TK1: variants seen among roughly 807,000 people sequenced by gnomAD.
The protein encoded by TK1 is thymidine kinase 1.
TK1 carries 13 observed loss-of-function variants against 22.4 expected under a neutral mutation model. The observed-to-expected ratio is 0.58, with a 90% CI of 0.38 to 0.92. The LOEUF (loss-of-function observed/expected upper bound fraction) is 0.92, where lower values mean the gene tolerates loss of function less well. TK1 is among the 40% of genes least tolerant of loss of function. The pLI is 0.00. For synonymous variants in TK1, 134 were observed against 125.4 expected (o/e 1.07, Z -0.46); for missense variants, 251 against 315.7 (o/e 0.80, Z 1.55).
At chr17:78,179,296 A>T in intron 4 of TK1, 1 of 985,436 alleles carries the variant, frequency 1.0e-6, no homozygotes, top group Non-Finnish European at 1.2e-6. Flanking sequence ...AGCAAAAGAG[A>T]ACAGCTGCAG....
chr17:78,179,402 C>T, intron 4 of TK1: 10 of 985,396 alleles, frequency 1.0e-5, no homozygotes, highest in Non-Finnish European at 1.2e-5. Flanking sequence ...CATGGGGGTG[C>T]TCAGGGGCGC....
At chr17:78,175,999 G>A (rs929163155) in intron 4 of TK1, among the ~76,000 whole-genome samples, 13 of 152,218 alleles carry the variant, frequency 8.5e-5, no homozygotes, top group African/African-American at 2.2e-4. Context: ...ATGAATTAAC[G>A]TCTCTGAACC....
intron 2 of TK1, 116 bp downstream of exon 2, chr17:78,186,667 GGGAA>G: frequency 1.0e-6 from 1 of 980,942 alleles, no homozygotes; most frequent in Non-Finnish European, 1.5e-6. Flanking sequence ...TCTAGGGGAA[GGGAA>G]GGGGAGGGAA....
In TK1 at chr17:78,185,101, A is replaced by G; in HGVS notation, c.163T>C (p.Tyr55His). The change falls in exon 3 of 7, where the codon TAT (tyrosine) becomes CAT (histidine). Residue 55 changes from tyrosine to histidine, a missense_variant. Transcript: ENST00000301634. ...IAQYKCLVIK[Y>H]AKDTRYSSSF... Reference sequence around the variant, plus strand: ...CTGCTGTAGCGAGTGTCTTTGGCATACTTGATCACCAGGCACTTGTACTGA... The same window carrying G: ...CTGCTGTAGCGAGTGTCTTTGGCATGCTTGATCACCAGGCACTTGTACTGA... 6.2e-7 allele frequency: 1 copy of G among 1,611,940 alleles called. No individual in the cohort carries two copies. The highest frequency in any genetic ancestry group is 8.5e-7 in the Non-Finnish European group (1 of 1,179,516).
At position 78,182,581 on chromosome 17, in the gene TK1, C is replaced by T; in HGVS notation, c.303+8G>A. On this transcript the variant is annotated splice_region_variant and intron_variant, in intron 4 of 6. Transcript: ENST00000301634. ...CAGGAAGAGTGATGCCAAGACAAGC[C>T]AACTTACAAACTGCCCCTCGTCGAT... The T allele has an allele frequency of 6.4e-7, 1 of 1,568,288 alleles. No individual in the cohort carries two copies. The highest frequency in any genetic ancestry group is 2.3e-5 in the East Asian group (1 of 42,992).
intron 3 of TK1, among the ~76,000 whole-genome samples, chr17:78,184,226 G>A (rs554398681): frequency 6.6e-6 from 1 of 152,360 alleles, no homozygotes; most frequent in African/African-American, 2.4e-5. Context: ...ACCAGCATCT[G>A]GCTTCAGGAG....
intron 3 of TK1, among the ~76,000 whole-genome samples, chr17:78,183,162 C>T (rs1188705026): frequency 6.6e-6 from 1 of 152,162 alleles, no homozygotes; most frequent in African/African-American, 2.4e-5. Flanking sequence ...CAAGCCACTT[C>T]ACTTGATGCT....
At chr17:78,175,408 C>T (rs540886429) in intron 5 of TK1, 121 bp downstream of exon 5, 7 of 1,125,648 alleles carry the variant, frequency 6.2e-6, no homozygotes, top group Non-Finnish European at 7.5e-6. Flanking sequence ...AAGGCCTGAG[C>T]AGCTCGGCCG....
rs2075721604 is a variant in TK1, at chr17:78,179,157, G to A, written c.303+3432C>T. 7 of 985,226 alleles carry A rather than the reference G, an allele frequency of 7.1e-6. No individual in the cohort carries two copies. In the South Asian group the frequency reaches 2.3e-4, roughly 33 times the overall value. 61.0% of individuals were successfully genotyped at this position (985,226 alleles called of 1,614,324 possible). A position where few individuals can be genotyped will look rare whatever the true frequency, so the allele number is the denominator to read the frequency against. ...GCAGAGCCAGGAGAACAGAGCTATTGAACAACTCACAGCGGCAGGTCTGAA... is the reference window on the plus strand; with the variant it reads ...GCAGAGCCAGGAGAACAGAGCTATTAAACAACTCACAGCGGCAGGTCTGAA... On this transcript the variant is annotated intron_variant, in intron 4 of 6. Transcript: ENST00000301634.
intron 2 of TK1, 111 bp downstream of exon 2, chr17:78,186,676 A>C: frequency 3.9e-6 from 3 of 778,644 alleles, no homozygotes; most frequent in Non-Finnish European, 5.4e-6. Context: ...AGGGAAGGGG[A>C]GGGAAGGGAA....
intron 2 of TK1, among the ~76,000 whole-genome samples, 151 bp from the exon 3 acceptor site, chr17:78,185,316 T>C (rs747368983): frequency 1.8e-4 from 27 of 151,226 alleles, no homozygotes; most frequent in Non-Finnish European, 3.1e-4. Context: ...GCAGGCAGGG[T>C]ATAATATCCC....
At chr17:78,179,720 A>C in intron 4 of TK1, 2 of 985,448 alleles carry the variant, frequency 2.0e-6, no homozygotes, top group Non-Finnish European at 2.4e-6. Context: ...GGGCGGGTAG[A>C]GACCTCGAAG....
intron 2 of TK1, among the ~76,000 whole-genome samples, chr17:78,186,242 G>T (rs9903350): frequency 0.15 from 22,955 of 151,910 alleles, 3,065 homozygotes; most frequent in African/African-American, 0.33. Flanking sequence ...ACCTCTAGAA[G>T]AACAAAAACA....
intron 4 of TK1, 46 bp from the exon 5 acceptor site, chr17:78,175,664 C>T: frequency 6.4e-7 from 1 of 1,552,940 alleles, no homozygotes; most frequent in Non-Finnish European, 8.8e-7. Flanking sequence ...TCCACCCCAG[C>T]AGCAGCTCCC....
chr17:78,185,408 G>A (rs1376422415), intron 2 of TK1, among the ~76,000 whole-genome samples: 1 of 152,162 alleles, frequency 6.6e-6, no homozygotes, highest in Non-Finnish European at 1.5e-5. Flanking sequence ...AAGTGTGGGA[G>A]GAGTAACCTT....
In TK1 at chr17:78,178,804, CT is replaced by C. The variant is rs960958619; in HGVS notation, c.304-3187del. Among the ~76,000 whole-genome samples, 357 of 152,216 alleles carry C rather than the reference CT, an allele frequency of 2.3e-3. 1 individual carries two copies. Among genetic ancestry groups the C allele is most frequent in the African/African-American group, 8.4e-3 (347 of 41,540 alleles). ...GGATTACAGGCATGCGCCACCACGC[CT>C]GGCTAATTTTTGTATTTTTAGTAGA... On this transcript the variant is annotated intron_variant, in intron 4 of 6. Coordinates refer to ENST00000301634, the MANE Select transcript of TK1 (RefSeq NM_003258.5).
intron 2 of TK1, among the ~76,000 whole-genome samples, chr17:78,186,031 T>G (rs1245882375): frequency 2.0e-5 from 3 of 151,792 alleles, no homozygotes; most frequent in Non-Finnish European, 2.9e-5. Flanking sequence ...GATGCTGAAG[T>G]AGGAGGATTG....
At chr17:78,176,086 G>A (rs9893988) in intron 4 of TK1, among the ~76,000 whole-genome samples, 31,743 of 152,124 alleles carry the variant, frequency 0.21, 3,660 homozygotes, top group Non-Finnish European at 0.26. Flanking sequence ...CATGCTCTTC[G>A]GTGAATAGGT....
intron 2 of TK1, 71 bp downstream of exon 2, chr17:78,186,716 A>AGGGGAGGGGC (rs2075803852): frequency 9.3e-7 from 1 of 1,080,588 alleles, no homozygotes; most frequent in African/African-American, 3.5e-5. Context: ...AGGGAAGGGG[A>AGGGGAGGGGC]GGGGAGGGAC....
Sources: gnomAD v4.1 joint callset for allele counts (sites outside exome capture counted in the v4.1 genomes callset) on GRCh38, gnomAD v4.1.1 for gene constraint, MANE v1.5 for transcripts, NCBI Gene and HGNC (gene_info 2026-07-23, HGNC 2026-07-21) for gene names.